GALNT13: variants seen among roughly 807,000 people sequenced by gnomAD.
GALNT13 encodes UDP-GalNAc:polypeptide N-acetylgalactosaminyltransferase 13.
Under a neutral mutation model 64.2 loss-of-function variants are expected in GALNT13, and 28 were observed. That is an observed-to-expected ratio of 0.44 (90% confidence interval 0.32 to 0.60). The LOEUF (loss-of-function observed/expected upper bound fraction) is 0.60, where lower values mean the gene tolerates loss of function less well. Ranked by LOEUF, GALNT13 falls within the 20% of genes least tolerant of loss-of-function variation. The pLI is 0.05. For missense variants in GALNT13, 577 were observed against 669.8 expected, an observed-to-expected ratio of 0.86 and a Z score of 1.53; for synonymous variants, 214 against 224.6, an observed-to-expected ratio of 0.95 and a Z score of 0.42.
At chr2:154,132,985 A>G (rs1682712608) in intron 3 of GALNT13, among the ~76,000 whole-genome samples, 1 of 152,166 alleles carries the variant, frequency 6.6e-6, no homozygotes, top group African/African-American at 2.4e-5. Context: ...TTTGTGAGTC[A>G]TAAGTTACAA....
chr2:153,684,040 GT>G, the GALNT13 span, among the ~76,000 whole-genome samples: 2 of 148,438 alleles, frequency 1.3e-5, no homozygotes, highest in Non-Finnish European at 3.0e-5. Context: ...TCTCACTAAA[GT>G]CCTATATCAG....
intron 2 of GALNT13, among the ~76,000 whole-genome samples, chr2:153,932,964 G>A (rs1196656829): frequency 6.6e-6 from 1 of 151,912 alleles, no homozygotes; most frequent in Admixed American, 6.6e-5. Context: ...TATTTTTATT[G>A]CTCTGTGTTT....
intron 4 of GALNT13, among the ~76,000 whole-genome samples, chr2:154,152,701 T>TCGG: frequency 1.3e-5 from 2 of 152,186 alleles, no homozygotes; most frequent in African/African-American, 2.4e-5. Flanking sequence ...TCACTGATAC[T>TCGG]CTTTCTTCCA....
intron 3 of GALNT13, among the ~76,000 whole-genome samples, chr2:154,021,003 A>G (rs1039158687): frequency 7.2e-5 from 11 of 152,274 alleles, no homozygotes; most frequent in African/African-American, 2.6e-4. Context: ...CAAAGATCCG[A>G]CAGTTGTAGA....
chr2:153,417,861 A>G, the GALNT13 span, among the ~76,000 whole-genome samples: 1 of 152,202 alleles, frequency 6.6e-6, no homozygotes, highest in Non-Finnish European at 1.5e-5. Flanking sequence ...CTTAAAAGCC[A>G]TAATATCAGA....
At chr2:153,654,077 C>A in the GALNT13 span, among the ~76,000 whole-genome samples, 1 of 152,040 alleles carries the variant, frequency 6.6e-6, no homozygotes, top group African/African-American at 2.4e-5. Flanking sequence ...CATGGCACCC[C>A]CCATGTAAAG....
chr2:154,361,918 A>G (rs1697091821), intron 9 of GALNT13, among the ~76,000 whole-genome samples: 1 of 152,056 alleles, frequency 6.6e-6, no homozygotes, highest in Admixed American at 6.6e-5. Flanking sequence ...TTTATTTTGG[A>G]AAACTAATAT....
At chr2:153,841,148 A>C in the GALNT13 span, among the ~76,000 whole-genome samples, 2 of 152,062 alleles carry the variant, frequency 1.3e-5, no homozygotes, top group African/African-American at 4.8e-5. Context: ...CATTACTCTT[A>C]ATTTTTAGAT....
the GALNT13 span, among the ~76,000 whole-genome samples, chr2:153,680,986 T>A: frequency 6.6e-6 from 1 of 151,950 alleles, no homozygotes; most frequent in Admixed American, 6.6e-5. Context: ...TTCAGGGCCG[T>A]AGGCCAAGAC....
At chr2:153,906,593 G>T (rs1688581475) in intron 2 of GALNT13, among the ~76,000 whole-genome samples, 1 of 151,958 alleles carries the variant, frequency 6.6e-6, no homozygotes, top group Non-Finnish European at 1.5e-5. Context: ...TTTTATGGCT[G>T]CATAGTATTC....
chr2:153,240,926 G>A, the GALNT13 span, among the ~76,000 whole-genome samples: 1,533 of 152,144 alleles, frequency 0.01, 29 homozygotes, highest in African/African-American at 0.034. Context: ...TTCAGTTGGC[G>A]CTCCCTAATT....
At chr2:153,822,394 G>A in the GALNT13 span, among the ~76,000 whole-genome samples, 1 of 152,058 alleles carries the variant, frequency 6.6e-6, no homozygotes, top group South Asian at 2.1e-4. Context: ...CAATAAAGTA[G>A]GCTTTATTCT....
chr2:154,243,996 ATT>A (rs1327008816), intron 6 of GALNT13, among the ~76,000 whole-genome samples: 1 of 152,062 alleles, frequency 6.6e-6, no homozygotes, highest in Non-Finnish European at 1.5e-5. Flanking sequence ...GGCTAATAAC[ATT>A]TTTCCACTCT....
the GALNT13 span, among the ~76,000 whole-genome samples, chr2:153,520,844 T>C: frequency 1.3e-5 from 2 of 152,178 alleles, no homozygotes; most frequent in Non-Finnish European, 2.9e-5. Flanking sequence ...TAGACAAAAG[T>C]ACATGAACAG....
At chr2:154,210,199 G>A (rs1044915793) in intron 4 of GALNT13, among the ~76,000 whole-genome samples, 1 of 152,116 alleles carries the variant, frequency 6.6e-6, no homozygotes, top group African/African-American at 2.4e-5. Context: ...GTATTCCATT[G>A]TATATTTATA....
chr2:154,446,802 T>A, intron 12 of GALNT13: 1 of 1,454,630 alleles, frequency 6.9e-7, no homozygotes, highest in South Asian at 1.5e-5. Context: ...TATTTTAGCA[T>A]TTTTGTTATG....
intron 4 of GALNT13, among the ~76,000 whole-genome samples, chr2:154,176,680 C>T (rs867772989): frequency 9.2e-5 from 14 of 151,978 alleles, no homozygotes; most frequent in Non-Finnish European, 1.9e-4. Context: ...TTACATAAAA[C>T]CAGGAAGAGG....
chr2:153,784,556 T>C, the GALNT13 span, among the ~76,000 whole-genome samples: 1 of 152,214 alleles, frequency 6.6e-6, no homozygotes, highest in Admixed American at 6.5e-5. Context: ...ATGTCCTTAA[T>C]TTTCCTAAGT....
chr2:153,826,820 T>C, the GALNT13 span, among the ~76,000 whole-genome samples: 4 of 152,170 alleles, frequency 2.6e-5, no homozygotes, highest in East Asian at 7.8e-4. Flanking sequence ...GATACACTAA[T>C]GCAAAAGTTG....
Sources: gnomAD v4.1 joint callset for allele counts (sites outside exome capture counted in the v4.1 genomes callset) on GRCh38, gnomAD v4.1.1 for gene constraint, MANE v1.5 for transcripts, NCBI Gene and HGNC (gene_info 2026-07-23, HGNC 2026-07-21) for gene names.